Variants in TMEM132D observed in about 807,000 individuals in gnomAD.
TMEM132D encodes the protein transmembrane protein 132D.
In TMEM132D, 21 loss-of-function variants were observed where a neutral mutation model predicts 62.3. That is an observed-to-expected ratio of 0.34 (90% CI 0.24 to 0.49). The LOEUF (loss-of-function observed/expected upper bound fraction) is 0.49. Among genes scored for constraint, TMEM132D ranks in the 20% least tolerant of loss-of-function variants. The pLI is 0.99. For synonymous variants in TMEM132D, 621 were observed against 575.6 expected (o/e 1.08, Z -1.13); for missense variants, 1,346 against 1,402.8 (o/e 0.96, Z 0.65).
intron 3 of TMEM132D, among the ~76,000 whole-genome samples, chr12:129,484,996 C>G (rs1034895546): frequency 3.9e-5 from 6 of 152,334 alleles, no homozygotes; most frequent in Admixed American, 3.9e-4. Flanking sequence ...TCACCTGCAG[C>G]CTCTCACCTC....
chr12:129,087,976 ACCGGGTGTCCTCCATGAC>A (rs2135623496), intron 5 of TMEM132D, among the ~76,000 whole-genome samples: 1 of 104,428 alleles, frequency 9.6e-6, no homozygotes, highest in Admixed American at 1.2e-4. Context: ...GTCCTCCATG[ACCGGGTGTCCTCCATGAC>A]CGGGGTGTCC....
chr12:129,662,791 C>CAAAA (rs34743737), intron 2 of TMEM132D, among the ~76,000 whole-genome samples: 1 of 69,406 alleles, frequency 1.4e-5, no homozygotes, highest in Admixed American at 2.3e-4. Context: ...GATTCCATCT[C>CAAAA]AAAAAAAAAA....
intron 1 of TMEM132D, among the ~76,000 whole-genome samples, chr12:129,776,037 A>G (rs1049144918): frequency 6.6e-6 from 1 of 152,126 alleles, no homozygotes; most frequent in Non-Finnish European, 1.5e-5. Flanking sequence ...TGAGCCTTCA[A>G]ATTGAGCTGT....
chr12:129,321,570 T>A (rs1459011369), intron 4 of TMEM132D, among the ~76,000 whole-genome samples: 2 of 152,070 alleles, frequency 1.3e-5, no homozygotes, highest in Non-Finnish European at 2.9e-5. Flanking sequence ...TTCTTTTTTT[T>A]TTTTGAGACG....
intron 4 of TMEM132D, among the ~76,000 whole-genome samples, chr12:129,243,661 C>T (rs1056761512): frequency 6.6e-6 from 1 of 152,120 alleles, no homozygotes; most frequent in African/African-American, 2.4e-5. Context: ...GATTTTGCTG[C>T]TTTCATTATT....
At chr12:129,542,139 T>TC (rs558993809) in intron 2 of TMEM132D, among the ~76,000 whole-genome samples, 177 of 152,258 alleles carry the variant, frequency 1.2e-3, no homozygotes, top group African/African-American at 4.1e-3. Flanking sequence ...TCAGGGGGCC[T>TC]CCCCAGCACC....
At chr12:129,650,869 T>A (rs914561832) in intron 2 of TMEM132D, among the ~76,000 whole-genome samples, 4 of 152,222 alleles carry the variant, frequency 2.6e-5, no homozygotes, top group Non-Finnish European at 5.9e-5. Context: ...ATACTTTATA[T>A]ATAAGACTAC....
intron 3 of TMEM132D, among the ~76,000 whole-genome samples, chr12:129,424,183 C>A (rs907015612): frequency 2.2e-5 from 3 of 138,062 alleles, no homozygotes; most frequent in Admixed American, 1.5e-4. Context: ...TTCAAAGAAG[C>A]GATCTGTAAA....
chr12:129,646,389 T>C (rs1344267081), intron 2 of TMEM132D, among the ~76,000 whole-genome samples: 1 of 152,180 alleles, frequency 6.6e-6, no homozygotes, highest in Non-Finnish European at 1.5e-5. Context: ...TCCTAACCTT[T>C]CTGCTACTCG....
chr12:129,495,725 G>A (rs757793045), intron 3 of TMEM132D, among the ~76,000 whole-genome samples: 33 of 152,282 alleles, frequency 2.2e-4, no homozygotes, highest in Non-Finnish European at 4.3e-4. Flanking sequence ...GAGTGCCGAA[G>A]GCTTTGACGG....
intron 2 of TMEM132D, among the ~76,000 whole-genome samples, chr12:129,687,989 A>G (rs1326854319): frequency 6.6e-6 from 1 of 152,206 alleles, no homozygotes; most frequent in Non-Finnish European, 1.5e-5. Flanking sequence ...AGAGGATCAG[A>G]GCACTCACAT....
chr12:129,153,609 C>T (rs1049113503), intron 5 of TMEM132D, among the ~76,000 whole-genome samples: 1 of 152,104 alleles, frequency 6.6e-6, no homozygotes, highest in Non-Finnish European at 1.5e-5. Flanking sequence ...TACTCCAAAA[C>T]AAATATAAAA....
chr12:129,127,148 T>C (rs1016397436), intron 5 of TMEM132D, among the ~76,000 whole-genome samples: 3 of 152,230 alleles, frequency 2.0e-5, no homozygotes, highest in African/African-American at 2.4e-5. Flanking sequence ...AAGGCTGTCC[T>C]ATCACACTGA....
intron 3 of TMEM132D, among the ~76,000 whole-genome samples, chr12:129,507,150 C>A (rs537637260): frequency 2.4e-4 from 36 of 152,154 alleles, no homozygotes; most frequent in African/African-American, 8.7e-4. Flanking sequence ...ATCAAAACCA[C>A]AATGTGATAC....
intron 4 of TMEM132D, among the ~76,000 whole-genome samples, chr12:129,313,200 T>C (rs771980868): frequency 6.6e-6 from 1 of 152,154 alleles, no homozygotes; most frequent in African/African-American, 2.4e-5. Flanking sequence ...GCAATTTGGG[T>C]ACATGGGGTA....
intron 2 of TMEM132D, among the ~76,000 whole-genome samples, chr12:129,618,581 A>C (rs1405904919): frequency 6.6e-6 from 1 of 152,244 alleles, no homozygotes; most frequent in Non-Finnish European, 1.5e-5. Context: ...CAAAAACCAG[A>C]AGAGAAGAGG....
At chr12:129,357,296 A>G (rs1194141789) in intron 3 of TMEM132D, among the ~76,000 whole-genome samples, 1 of 149,014 alleles carries the variant, frequency 6.7e-6, no homozygotes, top group African/African-American at 2.5e-5. Context: ...AAGGAGAAAG[A>G]AAGAAAGAAG....
intron 1 of TMEM132D, among the ~76,000 whole-genome samples, chr12:129,723,561 C>A (rs1868921027): frequency 6.6e-6 from 1 of 152,320 alleles, no homozygotes; most frequent in South Asian, 2.1e-4. Flanking sequence ...CCATTGCAGA[C>A]CCCAGAAATC....
intron 4 of TMEM132D, among the ~76,000 whole-genome samples, chr12:129,245,885 G>A (rs868018131): frequency 1.3e-5 from 2 of 152,156 alleles, no homozygotes; most frequent in Admixed American, 6.5e-5. Context: ...AAATAAAGAT[G>A]TTTCATGTAA....
Sources: allele counts gnomAD v4.1 joint callset (sites outside exome capture counted in the v4.1 genomes callset), GRCh38; gene constraint gnomAD v4.1.1; transcripts MANE v1.5; gene names NCBI Gene and HGNC (gene_info 2026-07-23, HGNC 2026-07-21).